The following ADAM22 variants were observed in gnomAD, a reference collection of about 807,000 sequenced individuals.
ADAM22 encodes the protein disintegrin and metalloproteinase domain-containing protein 22.
ADAM22 carries 65 observed loss-of-function variants against 144.6 expected under a neutral mutation model. That is an observed-to-expected ratio of 0.45 (90% CI 0.37 to 0.55). The LOEUF (loss-of-function observed/expected upper bound fraction) is 0.55, where lower values mean the gene tolerates loss of function less well. Ranked by LOEUF, ADAM22 falls within the 20% of genes least tolerant of loss-of-function variation. The probability of loss-of-function intolerance (pLI) is 0.00; values close to 1 mark genes in which losing one functional copy is unlikely to be tolerated. For missense variants in ADAM22, 974 were observed against 1,184.9 expected (o/e 0.82, Z 2.61); for synonymous variants, 391 against 412.6 (o/e 0.95, Z 0.63).
chr7:88,075,974 T>A (rs1814340342), intron 4 of ADAM22, among the ~76,000 whole-genome samples: 1 of 152,182 alleles, frequency 6.6e-6, no homozygotes, highest in Admixed American at 6.5e-5. Flanking sequence ...GTGGTTTTTG[T>A]CGTTACTTTT....
chr7:88,009,834 T>G (rs1303416688), intron 3 of ADAM22, among the ~76,000 whole-genome samples: 2 of 152,150 alleles, frequency 1.3e-5, no homozygotes, highest in Non-Finnish European at 2.9e-5. Context: ...TGCACCTTGT[T>G]TTGTTGATTG....
At chr7:88,063,043 A>G (rs1006101855) in intron 3 of ADAM22, among the ~76,000 whole-genome samples, 3 of 152,216 alleles carry the variant, frequency 2.0e-5, no homozygotes, top group African/African-American at 7.2e-5. Context: ...ATATTGTGAG[A>G]ATTACCAAAA....
At chr7:87,947,492 C>G (rs1239668085) in intron 2 of ADAM22, among the ~76,000 whole-genome samples, 1 of 151,336 alleles carries the variant, frequency 6.6e-6, no homozygotes, top group East Asian at 1.9e-4. Context: ...TAGCAGTTTT[C>G]ATTGACTCTC....
intron 4 of ADAM22, among the ~76,000 whole-genome samples, chr7:88,092,421 A>G: frequency 6.6e-6 from 1 of 152,230 alleles, no homozygotes; most frequent in East Asian, 1.9e-4. Flanking sequence ...TATTCCAGAT[A>G]TGTTTCCTAA....
At chr7:88,009,252 C>T (rs1003719550) in intron 3 of ADAM22, among the ~76,000 whole-genome samples, 2 of 152,122 alleles carry the variant, frequency 1.3e-5, no homozygotes, top group African/African-American at 2.4e-5. Flanking sequence ...GCATTAGCTT[C>T]ATTGATGTCA....
At position 88,125,608 on chromosome 7, in the gene ADAM22, T is replaced by A; in HGVS notation, c.627T>A (p.Ile209=). ...TTTTAGAATTTCAGCAAGTAAACAT[T>A]ACTCCATCAAAATTTATTTTGAAGC... ...DLPSEFQQVN[I]TPSKFILKPR... Residue 209 remains isoleucine (I), a synonymous_variant, in exon 8 of 32, where the codon ATT becomes ATA. Transcript: ENST00000413139. 6.3e-7 allele frequency: 1 copy of A among 1,596,732 alleles called. No homozygotes were observed. Among genetic ancestry groups the A allele is most frequent in the Non-Finnish European group, 8.5e-7 (1 of 1,171,816 alleles).
intron 2 of ADAM22, among the ~76,000 whole-genome samples, chr7:87,959,985 G>A (rs1304054039): frequency 6.6e-6 from 1 of 151,808 alleles, no homozygotes; most frequent in Non-Finnish European, 1.5e-5. Flanking sequence ...TTATTGTGCT[G>A]TTTTTGGTAC....
At chr7:88,059,401 A>G (rs373007548) in intron 3 of ADAM22, among the ~76,000 whole-genome samples, 4 of 152,234 alleles carry the variant, frequency 2.6e-5, no homozygotes, top group East Asian at 3.8e-4. Flanking sequence ...GGAACAGAAG[A>G]AAATCTTTAA....
At chr7:88,094,463 G>A (rs963576026) in intron 4 of ADAM22, among the ~76,000 whole-genome samples, 6 of 152,208 alleles carry the variant, frequency 3.9e-5, no homozygotes, top group Admixed American at 3.9e-4. Flanking sequence ...AGAATAAGAG[G>A]TGGAGCAAGT....
chr7:88,039,775 G>T (rs368688301), intron 3 of ADAM22, among the ~76,000 whole-genome samples: 1 of 151,326 alleles, frequency 6.6e-6, no homozygotes. Context: ...ATATACTCTC[G>T]CCACTTTACC....
At chr7:88,010,876 A>C (rs1795192682) in intron 3 of ADAM22, among the ~76,000 whole-genome samples, 1 of 152,096 alleles carries the variant, frequency 6.6e-6, no homozygotes, top group African/African-American at 2.4e-5. Flanking sequence ...GTGGGGTGCC[A>C]CTCCTCGTGT....
chr7:88,193,777 G>A (rs749772697), intron 31 of ADAM22, among the ~76,000 whole-genome samples: 6 of 152,164 alleles, frequency 3.9e-5, no homozygotes, highest in East Asian at 1.9e-4. Flanking sequence ...TATAAGCCTC[G>A]GCAGCTTTAG....
At chr7:88,073,055 A>G (rs781726899) in intron 3 of ADAM22, among the ~76,000 whole-genome samples, 1 of 152,046 alleles carries the variant, frequency 6.6e-6, no homozygotes, top group African/African-American at 2.4e-5. Flanking sequence ...TTTCTTCACC[A>G]CTCTCCTTTC....
intron 5 of ADAM22, among the ~76,000 whole-genome samples, chr7:88,110,378 A>T (rs1485762069): frequency 1.3e-5 from 2 of 151,958 alleles, no homozygotes; most frequent in African/African-American, 4.8e-5. Flanking sequence ...TAAAATCTCA[A>T]TCCAAAGTCC....
chr7:88,149,166 C>T, intron 18 of ADAM22, 109 bp downstream of exon 18: 1 of 718,272 alleles, frequency 1.4e-6, no homozygotes. Context: ...GTGTCTCTTT[C>T]ACATCATTTC....
chr7:88,001,626 G>A (rs1792578818), intron 3 of ADAM22, among the ~76,000 whole-genome samples: 1 of 151,980 alleles, frequency 6.6e-6, no homozygotes, highest in African/African-American at 2.4e-5. Context: ...TGGGGAGTGT[G>A]CTTATTCCAA....
chr7:88,100,795 G>T (rs1312055611), intron 4 of ADAM22, among the ~76,000 whole-genome samples: 1 of 152,090 alleles, frequency 6.6e-6, no homozygotes, highest in African/African-American at 2.4e-5. Context: ...GATTACAGGT[G>T]TAAGCCACCA....
In ADAM22 at chr7:88,198,940, C is replaced by T. The variant is rs1370007345; in HGVS notation, c.*2449C>T. The T allele has an allele frequency of 6.6e-6, 1 of 152,138 alleles. No homozygotes were observed. The highest frequency in any genetic ancestry group is 1.5e-5 in the Non-Finnish European group (1 of 68,024). 9.4% of individuals were successfully genotyped at this position (152,138 alleles called of 1,614,324 possible). A position where few individuals can be genotyped will look rare whatever the true frequency, so the allele number is the denominator to read the frequency against. ...GATTATGATTTGAGGTATACAGTAA[C>T]TTTAATGTTCTATTCTTGGAATCTA... On this transcript the variant is annotated 3_prime_UTR_variant, in exon 32 of 32. Coordinates refer to ENST00000413139, the MANE Select transcript of ADAM22 (RefSeq NM_001324418.2).
intron 4 of ADAM22, among the ~76,000 whole-genome samples, chr7:88,095,224 T>C (rs892235679): frequency 6.6e-6 from 1 of 152,166 alleles, no homozygotes; most frequent in African/African-American, 2.4e-5. Context: ...ATAAGACAAT[T>C]TTCTGTGCCT....
Sources: gnomAD v4.1 joint callset for allele counts (sites outside exome capture counted in the v4.1 genomes callset) on GRCh38, gnomAD v4.1.1 for gene constraint, MANE v1.5 for transcripts, NCBI Gene and HGNC (gene_info 2026-07-23, HGNC 2026-07-21) for gene names.